Variants in AGBL1 observed in about 807,000 individuals in gnomAD.
The protein encoded by AGBL1 is AGBL carboxypeptidase 1.
A neutral mutation model predicts 118.9 loss-of-function variants in AGBL1; 130 were observed. The observed-to-expected ratio is 1.09, with a 90% confidence interval of 0.95 to 1.26. AGBL1 has a LOEUF of 1.26. AGBL1 is among the 50% of genes most tolerant of loss of function. The probability of loss-of-function intolerance (pLI) is 0.00; values close to 1 mark genes in which losing one functional copy is unlikely to be tolerated. For missense variants in AGBL1, 1,584 were observed against 1,298.1 expected (o/e 1.22, Z -3.38); for synonymous variants, 555 against 478.9 (o/e 1.16, Z -2.08).
At chr15:86,123,152 A>C (rs1204227512) in intron 1 of AGBL1, among the ~76,000 whole-genome samples, 3 of 152,128 alleles carry the variant, frequency 2.0e-5, no homozygotes, top group Non-Finnish European at 2.9e-5. Flanking sequence ...CGGGCACCTT[A>C]TTAGCTCTGA....
chr15:86,980,947 T>A (rs1488135857), intron 23 of AGBL1, among the ~76,000 whole-genome samples: 1 of 146,388 alleles, frequency 6.8e-6, no homozygotes, highest in Admixed American at 7.0e-5. Context: ...AGTGCAGTGG[T>A]GTGATCTCAG....
chr15:86,081,952 T>A (rs748591029), intron 1 of AGBL1, among the ~76,000 whole-genome samples: 4 of 152,178 alleles, frequency 2.6e-5, no homozygotes, highest in Non-Finnish European at 5.9e-5. Context: ...AGATTCCCAA[T>A]TATCAAAGAA....
chr15:86,281,492 T>A (rs1268746341), intron 16 of AGBL1, among the ~76,000 whole-genome samples: 4 of 152,212 alleles, frequency 2.6e-5, no homozygotes, highest in South Asian at 2.1e-4. Flanking sequence ...GGGTAAGTGA[T>A]CATGGATCTA....
intron 22 of AGBL1, among the ~76,000 whole-genome samples, chr15:86,789,068 T>A (rs2078455148): frequency 6.6e-6 from 1 of 152,134 alleles, no homozygotes; most frequent in Admixed American, 6.5e-5. Flanking sequence ...CTAGAGGAAA[T>A]AACATGTGCA....
chr15:86,478,554 T>C (rs1053898780), intron 18 of AGBL1, among the ~76,000 whole-genome samples: 1 of 152,108 alleles, frequency 6.6e-6, no homozygotes, highest in Non-Finnish European at 1.5e-5. Flanking sequence ...CAGGGAGAAC[T>C]ACAAACCACT....
In AGBL1 at chr15:86,760,039, A is replaced by C. The variant is rs986416757; in HGVS notation, c.3158+85603A>C. On this transcript the variant is annotated intron_variant, in intron 22 of 22. Transcript: ENST00000614907. Reference sequence around the variant, plus strand: ...CCTTCCCCTATGTCTGGGACAAGGTAATGACTTCTATGAAGTAATGATTTT... The same window carrying C: ...CCTTCCCCTATGTCTGGGACAAGGTCATGACTTCTATGAAGTAATGATTTT... Among the ~76,000 whole-genome samples, 5 of 152,076 alleles carry C rather than the reference A, an allele frequency of 3.3e-5. No homozygotes were observed. In the East Asian group the frequency reaches 9.7e-4, roughly 29 times the overall value.
intron 19 of AGBL1, among the ~76,000 whole-genome samples, chr15:86,524,977 G>A (rs1262352457): frequency 6.6e-6 from 1 of 152,134 alleles, no homozygotes; most frequent in Admixed American, 6.5e-5. Context: ...GTTTGCTAAT[G>A]ATATGATCAT....
At chr15:86,552,147 T>C (rs1009625120) in intron 20 of AGBL1, among the ~76,000 whole-genome samples, 1 of 152,130 alleles carries the variant, frequency 6.6e-6, no homozygotes, top group Non-Finnish European at 1.5e-5. Context: ...CTTTGAGTGA[T>C]GATGTTTCTA....
intron 19 of AGBL1, among the ~76,000 whole-genome samples, chr15:86,542,737 C>T (rs937754076): frequency 1.3e-5 from 2 of 152,088 alleles, no homozygotes; most frequent in East Asian, 1.9e-4. Flanking sequence ...TAGCACTTAA[C>T]CACCAAAGAC....
At chr15:86,544,423 A>G (rs1381020757) in intron 19 of AGBL1, among the ~76,000 whole-genome samples, 7 of 152,206 alleles carry the variant, frequency 4.6e-5, no homozygotes, top group Admixed American at 4.6e-4. Context: ...GATGCTACAT[A>G]GCTGTATTAG....
At chr15:86,450,160 G>A (rs1353563322) in intron 18 of AGBL1, among the ~76,000 whole-genome samples, 1 of 152,168 alleles carries the variant, frequency 6.6e-6, no homozygotes, top group Non-Finnish European at 1.5e-5. Context: ...AAGCCATTCA[G>A]TTCAGCCACC....
At chr15:86,866,982 T>C (rs1372874743) in intron 22 of AGBL1, among the ~76,000 whole-genome samples, 2 of 152,208 alleles carry the variant, frequency 1.3e-5, no homozygotes, top group Non-Finnish European at 2.9e-5. Flanking sequence ...CCCATTTGAT[T>C]AACTAATGTC....
chr15:86,938,702 G>A (rs907759645), intron 23 of AGBL1: 5 of 152,164 alleles, frequency 3.3e-5, no homozygotes, highest in Non-Finnish European at 7.3e-5. Flanking sequence ...TAGTTCTAAG[G>A]ATGGGTGGAT....
intron 23 of AGBL1, among the ~76,000 whole-genome samples, chr15:86,948,121 A>C (rs1376788535): frequency 1.3e-5 from 2 of 152,166 alleles, no homozygotes; most frequent in African/African-American, 2.4e-5. Flanking sequence ...GAGCCCCATG[A>C]GTTAGCATGT....
intron 22 of AGBL1, among the ~76,000 whole-genome samples, chr15:86,753,909 C>T (rs1022980288): frequency 2.0e-5 from 3 of 152,112 alleles, no homozygotes; most frequent in Admixed American, 6.6e-5. Context: ...TAGAGCTAGG[C>T]ATCAGTGACT....
At chr15:86,982,796 A>G (rs955997290) in intron 23 of AGBL1, among the ~76,000 whole-genome samples, 3 of 152,258 alleles carry the variant, frequency 2.0e-5, no homozygotes, top group Admixed American at 1.3e-4. Context: ...TGTTTTTGCT[A>G]TTGGTAAGGC....
chr15:86,343,510 C>T (rs142557480), intron 17 of AGBL1, among the ~76,000 whole-genome samples: 18 of 152,212 alleles, frequency 1.2e-4, no homozygotes, highest in South Asian at 4.1e-4. Context: ...ATGCCCCAGT[C>T]GGGTTGGAAA....
In AGBL1 at chr15:86,430,489, C is replaced by CAAA. The variant is rs556112771; in HGVS notation, c.2555+32958_2555+32960dup. Among the ~76,000 whole-genome samples the CAAA allele has an allele frequency of 1.7e-3, 144 of 85,294 alleles. 1 individual carries two copies. Among genetic ancestry groups the CAAA allele is most frequent in the African/African-American group, 5.8e-3 (138 of 23,700 alleles). The allele number at this position is 85,294 out of a possible 152,430, so 56.0% of individuals were successfully genotyped here. A position where few individuals can be genotyped will look rare whatever the true frequency, so the allele number is the denominator to read the frequency against. ...CAGCCTGGGTGAAAAAGCGCCGTCG[C>CAAA]AAAAAAAAAAAAAAAAATGTGTGTG... is the stretch of plus-strand genomic sequence containing the variant. On this transcript the variant is annotated intron_variant, in intron 18 of 22. Transcript: ENST00000614907.
chr15:86,778,582 AAGAAG>A (rs2078290629), intron 22 of AGBL1, among the ~76,000 whole-genome samples: 2 of 152,152 alleles, frequency 1.3e-5, no homozygotes, highest in South Asian at 4.1e-4. Flanking sequence ...TTGCTTTTGA[AAGAAG>A]AGAAATATGG....
Sources: allele counts gnomAD v4.1 joint callset (sites outside exome capture counted in the v4.1 genomes callset), GRCh38; gene constraint gnomAD v4.1.1; transcripts MANE v1.5; gene names NCBI Gene and HGNC (gene_info 2026-07-23, HGNC 2026-07-21).